The following SUSD6 variants were observed in gnomAD, a reference collection of about 807,000 sequenced individuals.
The protein encoded by SUSD6 is sushi domain containing 6.
Under a neutral mutation model 28.4 loss-of-function variants are expected in SUSD6, and 16 were observed. The ratio of observed to expected loss-of-function variants is 0.56; its 90% CI spans 0.38 to 0.86. SUSD6 has a LOEUF of 0.86. Among genes scored for constraint, SUSD6 ranks in the 40% least tolerant of loss-of-function variants. The pLI, the probability that SUSD6 is intolerant of heterozygous loss-of-function variation, is 0.00. For missense variants in SUSD6, 341 were observed against 384.2 expected (o/e 0.89, Z 0.94); for synonymous variants, 147 against 159.6 (o/e 0.92, Z 0.59).
At chr14:69,680,609 A>C (rs1885984323) in intron 2 of SUSD6, among the ~76,000 whole-genome samples, 2 of 152,174 alleles carry the variant, frequency 1.3e-5, no homozygotes, top group African/African-American at 2.4e-5. Flanking sequence ...TATAACCCTC[A>C]TCTGTACTTT....
At chr14:69,670,378 A>G (rs147028128) in intron 2 of SUSD6, 38 of 442,874 alleles carry the variant, frequency 8.6e-5, no homozygotes, top group African/African-American at 6.4e-4. Context: ...GAACAATTCC[A>G]TGTGATACAT....
At chr14:69,697,445 A>G (rs537475700) in intron 2 of SUSD6, among the ~76,000 whole-genome samples, 105 of 152,350 alleles carry the variant, frequency 6.9e-4, no homozygotes, top group African/African-American at 2.1e-3. Context: ...TGCCTCTTAT[A>G]TAAGTGTACA....
intron 1 of SUSD6, among the ~76,000 whole-genome samples, chr14:69,617,911 C>T (rs932615001): frequency 3.3e-5 from 5 of 151,908 alleles, no homozygotes; most frequent in Admixed American, 2.6e-4. Context: ...AAAGAGTGCT[C>T]TTTAGAGCAG....
At chr14:69,657,801 C>G (rs1053454142) in intron 1 of SUSD6, among the ~76,000 whole-genome samples, 6 of 152,224 alleles carry the variant, frequency 3.9e-5, no homozygotes, top group Non-Finnish European at 7.3e-5. Context: ...CTCACTCTCT[C>G]TCTGTCTCTC....
At chr14:69,672,150 C>A (rs1401915802) in intron 2 of SUSD6, among the ~76,000 whole-genome samples, 1 of 152,118 alleles carries the variant, frequency 6.6e-6, no homozygotes. Context: ...TTAATAGCCC[C>A]CCTTTGTATG....
intron 2 of SUSD6, among the ~76,000 whole-genome samples, chr14:69,680,542 A>G (rs1885983236): frequency 6.6e-6 from 1 of 152,184 alleles, no homozygotes. Flanking sequence ...CTTAAAACAA[A>G]AGAAAACAAA....
At chr14:69,675,791 T>C (rs1885899602) in intron 2 of SUSD6, among the ~76,000 whole-genome samples, 1 of 152,180 alleles carries the variant, frequency 6.6e-6, no homozygotes, top group African/African-American at 2.4e-5. Flanking sequence ...TTATTATTGT[T>C]ATTATTTTTA....
At chr14:69,612,936 A>T (rs556598274) in intron 1 of SUSD6, among the ~76,000 whole-genome samples, 1 of 152,180 alleles carries the variant, frequency 6.6e-6, no homozygotes, top group South Asian at 2.1e-4. Flanking sequence ...ACGCACACAC[A>T]CCTTTTCTGT....
chr14:69,685,488 C>T (rs953901942), intron 2 of SUSD6, among the ~76,000 whole-genome samples: 3 of 152,176 alleles, frequency 2.0e-5, no homozygotes, highest in African/African-American at 7.2e-5. Context: ...CAGGCTTGTG[C>T]AGGTGCTGAC....
intron 2 of SUSD6, among the ~76,000 whole-genome samples, chr14:69,700,342 GTC>G (rs993404056): frequency 8.4e-4 from 128 of 152,194 alleles, no homozygotes; most frequent in African/African-American, 2.9e-3. Context: ...AATCTAAGGG[GTC>G]TCTCCTACCT....
intron 1 of SUSD6, among the ~76,000 whole-genome samples, chr14:69,623,719 GA>G (rs1885074950): frequency 6.6e-6 from 1 of 152,176 alleles, no homozygotes; most frequent in Admixed American, 6.5e-5. Context: ...TAGTGATATA[GA>G]TGATCCTTAC....
chr14:69,713,416 C>A lies in SUSD6; in HGVS notation c.*2437C>A, dbSNP rs1037834082. 1 of 152,298 alleles carries A rather than the reference C, an allele frequency of 6.6e-6. No homozygotes were observed. The highest frequency in any genetic ancestry group is 1.5e-5 in the Non-Finnish European group (1 of 68,088). 9.4% of individuals were successfully genotyped at this position (152,298 alleles called of 1,614,324 possible). On this transcript the variant is annotated 3_prime_UTR_variant, in exon 6 of 6. Coordinates refer to ENST00000342745, the MANE Select transcript of SUSD6 (RefSeq NM_014734.4). Reference sequence around the variant, plus strand: ...ACTGGCTTTGATGAGGCCCACTTCCCAGAGGCTCCTGGGCCTGTGAGTGCA... The same window carrying A: ...ACTGGCTTTGATGAGGCCCACTTCCAAGAGGCTCCTGGGCCTGTGAGTGCA...
rs998314351 is a variant in SUSD6 at position 69,715,099 on chromosome 14, A to T, written c.*4120A>T. On this transcript the variant is annotated 3_prime_UTR_variant, in exon 6 of 6. Coordinates refer to ENST00000342745, the MANE Select transcript of SUSD6 (RefSeq NM_014734.4). ...ATTTAATTTTAATTGTTCTATGTAT[A>T]TAACTGCATTTCTAAATAATTAAAA... 3.3e-5 allele frequency: 5 copies of T among 152,216 alleles called. No individual in the cohort carries two copies. Among genetic ancestry groups the T allele is most frequent in the Admixed American group, 3.3e-4 (5 of 15,278 alleles). The allele number at this position is 152,216 out of a possible 1,614,324, so 9.4% of individuals were successfully genotyped here.
chr14:69,649,384 C>T (rs1885471980), intron 1 of SUSD6, among the ~76,000 whole-genome samples: 1 of 152,146 alleles, frequency 6.6e-6, no homozygotes, highest in African/African-American at 2.4e-5. Flanking sequence ...CTGATGGGAA[C>T]CAAGCAGAGA....
intron 2 of SUSD6, among the ~76,000 whole-genome samples, chr14:69,675,251 G>T (rs1183321627): frequency 6.6e-6 from 1 of 152,190 alleles, no homozygotes; most frequent in African/African-American, 2.4e-5. Context: ...TGGTGTGCAG[G>T]TGGAAGAGGG....
intron 1 of SUSD6, among the ~76,000 whole-genome samples, chr14:69,636,384 T>G (rs181596594): frequency 4.1e-4 from 62 of 152,258 alleles, no homozygotes; most frequent in African/African-American, 1.2e-3. Flanking sequence ...CTGAAATGAG[T>G]GCTTCTCACA....
At chr14:69,619,599 A>AG (rs1491275463) in intron 1 of SUSD6, among the ~76,000 whole-genome samples, 1 of 116,566 alleles carries the variant, frequency 8.6e-6, no homozygotes, top group Non-Finnish European at 1.7e-5. Flanking sequence ...ATCTCTACAG[A>AG]AAAAAAAAAA....
In SUSD6 at chr14:69,664,047, C is replaced by T. The variant is rs189206103; in HGVS notation, c.121+5334C>T. On this transcript the variant is annotated intron_variant, in intron 2 of 5. Transcript: ENST00000342745. ...AGGCTGGAGTACAGTGGCGCGATCT[C>T]GGCTCACTGCAAGCTCCACCTTCCA... 4.6e-4 allele frequency among the ~76,000 whole-genome samples: 70 copies of T among 151,538 alleles called. 1 individual carries two copies. In the East Asian group the frequency reaches 0.011, roughly 24 times the overall value.
At chr14:69,691,736 G>A (rs919463980) in intron 2 of SUSD6, among the ~76,000 whole-genome samples, 2 of 152,072 alleles carry the variant, frequency 1.3e-5, no homozygotes, top group South Asian at 2.1e-4. Context: ...TCACATATCC[G>A]TCTTAGAAGT....
Sources: gnomAD v4.1 joint callset for allele counts (sites outside exome capture counted in the v4.1 genomes callset) on GRCh38, gnomAD v4.1.1 for gene constraint, MANE v1.5 for transcripts, NCBI Gene and HGNC (gene_info 2026-07-23, HGNC 2026-07-21) for gene names.